Variants in ASB3 observed in about 807,000 individuals in gnomAD.
ASB3 encodes the protein ankyrin repeat and SOCS box protein 3.
Under a neutral mutation model 54.5 loss-of-function variants are expected in ASB3, and 41 were observed. That is an observed-to-expected ratio of 0.75 (90% CI 0.59 to 0.98). The LOEUF is 0.98. Among genes scored for constraint, ASB3 ranks in the 50% least tolerant of loss-of-function variants. The probability of loss-of-function intolerance (pLI) is 0.00; values close to 1 mark genes in which losing one functional copy is unlikely to be tolerated. For synonymous variants in ASB3, 266 were observed against 221.2 expected (o/e 1.20, Z -1.80); for missense variants, 733 against 620.0 (o/e 1.18, Z -1.94).
chr2:53,692,558 G>T (rs2103725287), intron 9 of ASB3, among the ~76,000 whole-genome samples: 1 of 152,200 alleles, frequency 6.6e-6, no homozygotes, highest in East Asian at 1.9e-4. Flanking sequence ...TAAACAAGAA[G>T]CCCTTGATGG....
At chr2:53,685,824 C>T (rs1429540009) in intron 9 of ASB3, among the ~76,000 whole-genome samples, 2 of 152,218 alleles carry the variant, frequency 1.3e-5, no homozygotes, top group African/African-American at 4.8e-5. Flanking sequence ...GGAGAAAGGG[C>T]ATTGGCTGAC....
At chr2:53,673,440 G>A (rs1667922586) in intron 9 of ASB3, among the ~76,000 whole-genome samples, 4 of 152,174 alleles carry the variant, frequency 2.6e-5, no homozygotes, top group Admixed American at 1.3e-4. Flanking sequence ...AAAACTTAAT[G>A]TAGTGCTGAC....
chr2:53,758,051 G>A (rs912922328), intron 2 of ASB3, among the ~76,000 whole-genome samples: 1 of 152,182 alleles, frequency 6.6e-6, no homozygotes, highest in African/African-American at 2.4e-5. Context: ...GAAAAAGAGA[G>A]ATAGAAGTAG....
intron 2 of ASB3, among the ~76,000 whole-genome samples, chr2:53,753,703 C>T (rs947695416): frequency 2.7e-5 from 4 of 150,836 alleles, no homozygotes; most frequent in African/African-American, 9.8e-5. Context: ...GTGGCGTGAT[C>T]TCAGCTCACT....
At chr2:53,690,964 T>C (rs1485803688) in intron 9 of ASB3, among the ~76,000 whole-genome samples, 2 of 152,196 alleles carry the variant, frequency 1.3e-5, no homozygotes, top group East Asian at 3.9e-4. Flanking sequence ...CTTTTATCTA[T>C]AAGAATTTAA....
intron 4 of ASB3, among the ~76,000 whole-genome samples, 172 bp from the exon 5 acceptor site, chr2:53,729,019 A>T (rs941483309): frequency 3.9e-5 from 6 of 152,164 alleles, no homozygotes; most frequent in African/African-American, 1.4e-4. Context: ...CCAAACGATC[A>T]GATTATCCTA....
At position 53,714,479 on chromosome 2, in the gene ASB3, G is replaced by A. The variant is rs781279038; in HGVS notation, c.885C>T (p.Cys295=). ...AGCCATTCCGGAGTAATATTTCTAG[G>A]CAATCTTCATGTCCCCCAAACACTG... ...YSAVFGGHED[C]LEILLRNGYS... Residue 295 remains cysteine (C), a synonymous_variant, in exon 7 of 10, where the codon TGC becomes TGT. Transcript: ENST00000263634. 1 of 1,614,234 alleles carries A rather than the reference G, an allele frequency of 6.2e-7. No homozygotes were observed. Among genetic ancestry groups the A allele is most frequent in the Non-Finnish European group, 8.5e-7 (1 of 1,180,040 alleles).
At chr2:53,767,773 G>A (rs1012273729) in intron 1 of ASB3, 19 of 1,313,232 alleles carry the variant, frequency 1.4e-5, no homozygotes, top group Non-Finnish European at 1.8e-5. Context: ...GCCCCAAGTG[G>A]CCATCGCGCC....
At chr2:53,748,738 C>T (rs550366368) in intron 3 of ASB3, among the ~76,000 whole-genome samples, 1 of 152,052 alleles carries the variant, frequency 6.6e-6, no homozygotes, top group South Asian at 2.1e-4. Flanking sequence ...AAAAACTGTT[C>T]CAAATTAAAG....
chr2:53,682,046 G>C (rs1270334041), intron 9 of ASB3, among the ~76,000 whole-genome samples: 5 of 151,766 alleles, frequency 3.3e-5, no homozygotes, highest in Non-Finnish European at 7.4e-5. Context: ...TGTAACCCCA[G>C]CTACTTGGGA....
At chr2:53,684,683 T>C (rs911299649) in intron 9 of ASB3, among the ~76,000 whole-genome samples, 2 of 152,224 alleles carry the variant, frequency 1.3e-5, no homozygotes, top group African/African-American at 4.8e-5. Flanking sequence ...GCTGAGAAGA[T>C]ATTTTTCTGA....
intron 9 of ASB3, among the ~76,000 whole-genome samples, chr2:53,680,845 TAACCATCCCCACCTCTCACC>T (rs1446671611): frequency 6.6e-6 from 1 of 152,234 alleles, no homozygotes; most frequent in South Asian, 2.1e-4. Flanking sequence ...TTGTATCCAT[TAACCATCCCCACCTCTCACC>T]AACCATCCCC....
In ASB3 at chr2:53,670,331, AGT is replaced by A; in HGVS notation, c.*170_*171del. On this transcript the variant is annotated 3_prime_UTR_variant, in exon 10 of 10. Coordinates refer to ENST00000263634, the MANE Select transcript of ASB3 (RefSeq NM_016115.5). ...TTTTTTTTTTTTTACTGGGAAGGCT[AGT>A]TGTAAACATAAACATTCTCACTGAA... The A allele has an allele frequency of 3.4e-6, 1 of 291,580 alleles. No individual in the cohort carries two copies. The highest frequency in any genetic ancestry group is 5.9e-6 in the Non-Finnish European group (1 of 170,590). The allele number at this position is 291,580 out of a possible 1,614,324, so 18.1% of individuals were successfully genotyped here. A position where few individuals can be genotyped will look rare whatever the true frequency, so the allele number is the denominator to read the frequency against.
chr2:53,769,260 C>G (rs982950268), intron 1 of ASB3, among the ~76,000 whole-genome samples: 1 of 152,160 alleles, frequency 6.6e-6, no homozygotes. Context: ...CCTCTGATCC[C>G]AACACTTCGG....
intron 9 of ASB3, among the ~76,000 whole-genome samples, chr2:53,674,416 G>C (rs1231495598): frequency 6.6e-6 from 1 of 152,046 alleles, no homozygotes; most frequent in African/African-American, 2.4e-5. Flanking sequence ...TATATGTACT[G>C]GCAGAACAAT....
At chr2:53,694,084 C>T (rs1669058955) in intron 8 of ASB3, 70 bp from the exon 9 acceptor site, 2 of 1,544,468 alleles carry the variant, frequency 1.3e-6, no homozygotes, top group South Asian at 1.2e-5. Context: ...GAAACAAACA[C>T]CACATACCTA....
At chr2:53,771,952 A>G in intron 1 of ASB3, 1 of 1,460,596 alleles carries the variant, frequency 6.8e-7, no homozygotes, top group East Asian at 2.4e-5. Context: ...GGTATGGTAT[A>G]AATATTCTTT....
chr2:53,712,779 C>T lies in ASB3; in HGVS notation c.980+1605G>A, dbSNP rs539988658. Among the ~76,000 whole-genome samples, 16 of 152,194 alleles carry T rather than the reference C, an allele frequency of 1.1e-4. No individual in the cohort carries two copies. The Middle Eastern group carries it at 0.014, about 129-fold the overall frequency. On this transcript the variant is annotated intron_variant, in intron 7 of 9. Coordinates refer to ENST00000263634, the MANE Select transcript of ASB3 (RefSeq NM_016115.5). ...ACACACACACACACAGGCGCGCGCG[C>T]GCGCGCAATCCAAAATCATTATATT...
At chr2:53,697,708 T>C (rs1212206625) in intron 8 of ASB3, among the ~76,000 whole-genome samples, 1 of 152,150 alleles carries the variant, frequency 6.6e-6, no homozygotes, top group Non-Finnish European at 1.5e-5. Flanking sequence ...CAAAGAGTAA[T>C]AGGACCCAAG....
Sources: gnomAD v4.1 joint callset for allele counts (sites outside exome capture counted in the v4.1 genomes callset) on GRCh38, gnomAD v4.1.1 for gene constraint, MANE v1.5 for transcripts, NCBI Gene and HGNC (gene_info 2026-07-23, HGNC 2026-07-21) for gene names.